ROR2: variants seen among roughly 807,000 people sequenced by gnomAD.
The protein encoded by ROR2 is ROR family WNT receptor 2, also known as tyrosine-protein kinase transmembrane receptor ROR2.
In ROR2, 33 loss-of-function variants were observed where a neutral mutation model predicts 74.9. The ratio of observed to expected loss-of-function variants is 0.44; its 90% CI spans 0.33 to 0.59. ROR2 has a LOEUF of 0.59. ROR2 is among the 20% of genes least tolerant of loss of function. The pLI, the probability that ROR2 is intolerant of heterozygous loss-of-function variation, is 0.02. For synonymous variants in ROR2, 586 were observed against 558.7 expected (o/e 1.05, Z -0.69); for missense variants, 1,216 against 1,313.8 (o/e 0.93, Z 1.15).
intron 1 of ROR2, among the ~76,000 whole-genome samples, chr9:91,897,060 C>A (rs1830554116): frequency 1.3e-5 from 2 of 152,236 alleles, no homozygotes; most frequent in South Asian, 4.1e-4. Context: ...CGGTGCAATG[C>A]AGCACTGGCA....
At chr9:91,767,900 C>T (rs899363055) in intron 2 of ROR2, among the ~76,000 whole-genome samples, 1 of 152,216 alleles carries the variant, frequency 6.6e-6, no homozygotes, top group African/African-American at 2.4e-5. Context: ...TCCTCATCCC[C>T]GCAACCCGTG....
intron 2 of ROR2, among the ~76,000 whole-genome samples, chr9:91,759,642 T>C (rs1211207350): frequency 6.6e-6 from 1 of 152,136 alleles, no homozygotes; most frequent in African/African-American, 2.4e-5. Flanking sequence ...GAAGTGGTGG[T>C]TTTGATATAA....
chr9:91,779,368 C>CTTT lies in ROR2; in HGVS notation c.98-3553_98-3551dup, dbSNP rs57414414. Among the ~76,000 whole-genome samples the CTTT allele has an allele frequency of 9.7e-5, 13 of 133,730 alleles. 1 individual carries two copies. The highest frequency in any genetic ancestry group is 3.2e-4 in the African/African-American group (11 of 34,858). 87.7% of individuals were successfully genotyped at this position (133,730 alleles called of 152,430 possible). A position where few individuals can be genotyped will look rare whatever the true frequency, so the allele number is the denominator to read the frequency against. On this transcript the variant is annotated intron_variant, in intron 1 of 8. Coordinates refer to ENST00000375708, the MANE Select transcript of ROR2 (RefSeq NM_004560.4). ...TCTACCTCCAAACACTTATACTTTTCTTTTTTTTTTTTTTTTTTCGAGACA... is the reference window on the plus strand; with the variant it reads ...TCTACCTCCAAACACTTATACTTTTCTTTTTTTTTTTTTTTTTTTTTCGAGACA...
chr9:91,925,891 T>TCA (rs968393794), intron 1 of ROR2, among the ~76,000 whole-genome samples: 7 of 152,222 alleles, frequency 4.6e-5, no homozygotes, highest in Admixed American at 1.3e-4. Context: ...GAGAAACAAG[T>TCA]CACTTGGCTT....
chr9:91,786,766 C>G (rs1204048266), intron 1 of ROR2, among the ~76,000 whole-genome samples: 1 of 152,080 alleles, frequency 6.6e-6, no homozygotes, highest in Non-Finnish European at 1.5e-5. Context: ...TGGCAGATAC[C>G]CCTGGGGCAT....
intron 1 of ROR2, among the ~76,000 whole-genome samples, chr9:91,832,903 G>A (rs1296928703): frequency 2.0e-5 from 3 of 152,168 alleles, no homozygotes; most frequent in African/African-American, 7.2e-5. Context: ...CCTCAGTGGA[G>A]GGGAAAGGAG....
rs187431633 is a variant in ROR2, at chr9:91,733,743, C to T, written c.623-307G>A. ...GAAAACTCGGCCCCCTAGCTCACTCCGCTAGGTGCTTCTTCCAGGACAAGA... is the reference window on the plus strand; with the variant it reads ...GAAAACTCGGCCCCCTAGCTCACTCTGCTAGGTGCTTCTTCCAGGACAAGA... On this transcript the variant is annotated intron_variant, in intron 5 of 8. Transcript: ENST00000375708. The surrounding 1 kb of genome is among the most constrained non-coding windows in gnomAD (Gnocchi z 5.7). Among the ~76,000 whole-genome samples the T allele has an allele frequency of 1.7e-3, 256 of 152,316 alleles. No homozygotes were observed. Among genetic ancestry groups the T allele is most frequent in the African/African-American group, 5.4e-3 (224 of 41,562 alleles).
chr9:91,748,076 A>G (rs910687223), intron 4 of ROR2, among the ~76,000 whole-genome samples: 30 of 152,208 alleles, frequency 2.0e-4, no homozygotes, highest in African/African-American at 7.0e-4. Context: ...AGCCTGGCCA[A>G]TATGATGAAA....
At chr9:91,832,135 G>A (rs1828479854) in intron 1 of ROR2, among the ~76,000 whole-genome samples, 1 of 152,046 alleles carries the variant, frequency 6.6e-6, no homozygotes, top group African/African-American at 2.4e-5. Flanking sequence ...TAGAGCCCAA[G>A]GCACTCACAG....
At chr9:91,820,238 G>A (rs952133397) in intron 1 of ROR2, among the ~76,000 whole-genome samples, 18 of 152,164 alleles carry the variant, frequency 1.2e-4, no homozygotes, top group Non-Finnish European at 2.6e-4. Flanking sequence ...CAATGTCTGG[G>A]AAGATGGACG....
chr9:91,833,115 G>A (rs528987088), intron 1 of ROR2, among the ~76,000 whole-genome samples: 2 of 152,318 alleles, frequency 1.3e-5, no homozygotes, highest in African/African-American at 4.8e-5. Flanking sequence ...AAACACCCAG[G>A]TGTTCTCTGC....
chr9:91,891,583 T>C (rs1419254237), intron 1 of ROR2, among the ~76,000 whole-genome samples: 1 of 152,184 alleles, frequency 6.6e-6, no homozygotes, highest in African/African-American at 2.4e-5. Flanking sequence ...CTGTGTTCCT[T>C]TCTAGAGGCC....
intron 7 of ROR2, among the ~76,000 whole-genome samples, chr9:91,727,401 ATT>A (rs11436642): frequency 6.9e-5 from 10 of 145,810 alleles, no homozygotes; most frequent in African/African-American, 1.8e-4. Flanking sequence ...CCTTCCCTGC[ATT>A]TTTTTTTTTT....
At chr9:91,924,769 C>A (rs991943254) in intron 1 of ROR2, among the ~76,000 whole-genome samples, 1 of 149,902 alleles carries the variant, frequency 6.7e-6, no homozygotes. Flanking sequence ...GGCGACAGAG[C>A]GAGACTCCAT....
intron 2 of ROR2, among the ~76,000 whole-genome samples, chr9:91,769,880 G>GT (rs1564264167): frequency 6.6e-6 from 1 of 152,164 alleles, no homozygotes; most frequent in African/African-American, 2.4e-5. Flanking sequence ...ATACTGGGAC[G>GT]TTTTCAGAGA....
chr9:91,761,332 C>T (rs1469844309), intron 2 of ROR2, among the ~76,000 whole-genome samples: 1 of 152,138 alleles, frequency 6.6e-6, no homozygotes, highest in Non-Finnish European at 1.5e-5. Flanking sequence ...ATTTATTGTG[C>T]ACTTTATTTC....
chr9:91,833,056 A>G (rs1344028266), intron 1 of ROR2, among the ~76,000 whole-genome samples: 1 of 152,176 alleles, frequency 6.6e-6, no homozygotes, highest in Admixed American at 6.5e-5. Context: ...GGCTCCCCTA[A>G]GCCCTGCAAC....
At chr9:91,737,021 C>T (rs1825051621) in intron 5 of ROR2, among the ~76,000 whole-genome samples, 1 of 152,188 alleles carries the variant, frequency 6.6e-6, no homozygotes, top group Non-Finnish European at 1.5e-5. Flanking sequence ...AATGAGAAGT[C>T]AAGCAGAGTG....
Position 91,724,929 on chromosome 9 carries a change from C to T in ROR2, c.1565G>A (p.Arg522Gln), listed in dbSNP as rs201986784. 153 of 1,612,620 alleles carry T rather than the reference C, an allele frequency of 9.5e-5. 1 individual carries two copies. The highest frequency in any genetic ancestry group is 4.7e-4 in the Admixed American group (28 of 59,988). The change falls in exon 9 of 9, where the codon CGG becomes CAG. Residue 522 changes from arginine (R) to glutamine (Q), a missense_variant. Coordinates refer to ENST00000375708, the MANE Select transcript of ROR2 (RefSeq NM_004560.4). The stretch of plus-strand genomic sequence containing the variant: ...CCGTGCTCGCAGCATAGCCTCATGC[C>T]GGAACTCCTCCCGCAGGGGCCCCTC... ...KAEGPLREEF[R>Q]HEAMLRARLQ...
Sources: allele counts gnomAD v4.1 joint callset (sites outside exome capture counted in the v4.1 genomes callset), GRCh38; gene constraint gnomAD v4.1.1; non-coding constraint Gnocchi (gnomAD v3.1); transcripts MANE v1.5; gene names NCBI Gene and HGNC (gene_info 2026-07-23, HGNC 2026-07-21).